The following ACTR3B variants were observed in gnomAD, a reference collection of about 807,000 sequenced individuals.
The protein encoded by ACTR3B is actin related protein 3B.
A neutral mutation model predicts 59.0 loss-of-function variants in ACTR3B; 8 were observed. The observed-to-expected ratio is 0.14, with a 90% CI of 0.08 to 0.24. ACTR3B has a LOEUF of 0.24. Among genes scored for constraint, ACTR3B ranks in the 10% least tolerant of loss-of-function variants. ACTR3B has a pLI of 1.00. For missense variants in ACTR3B, 245 were observed against 552.3 expected, an observed-to-expected ratio of 0.44 and a Z score of 5.58; for synonymous variants, 148 against 197.9, an observed-to-expected ratio of 0.75 and a Z score of 2.12.
At position 152,853,562 on chromosome 7, in the gene ACTR3B, C is replaced by T; in HGVS notation, c.1146C>T (p.Ser382=). The change falls in exon 11 of 12, where the codon TCC becomes TCT. Residue 382 remains serine, a synonymous_variant. Coordinates refer to ENST00000256001, the MANE Select transcript of ACTR3B (RefSeq NM_020445.6). The part of the protein sequence containing the change: ...MQRYAVWFGG[S]MLASTPEFFQ... ...GCTACGCCGTGTGGTTCGGAGGCTC[C>T]ATGCTGGCCTCGACTGTAAGTCCCT... The T allele has an allele frequency of 1.2e-6, 2 of 1,613,872 alleles. No homozygotes were observed. The highest frequency in any genetic ancestry group is 1.1e-5 in the South Asian group (1 of 90,980).
At chr7:152,828,730 G>C (rs1390106376) in intron 9 of ACTR3B, among the ~76,000 whole-genome samples, 1 of 152,060 alleles carries the variant, frequency 6.6e-6, no homozygotes, top group Non-Finnish European at 1.5e-5. Flanking sequence ...CTCTTGCCGG[G>C]TAAGACGCTC....
chr7:152,761,958 A>AAT (rs746241784), intron 1 of ACTR3B, among the ~76,000 whole-genome samples: 23 of 152,212 alleles, frequency 1.5e-4, no homozygotes, highest in Non-Finnish European at 1.6e-4. Flanking sequence ...CAACATCATA[A>AAT]GAGTCATGGT....
At chr7:152,832,439 C>G (rs1456174220) in intron 9 of ACTR3B, among the ~76,000 whole-genome samples, 1 of 152,180 alleles carries the variant, frequency 6.6e-6, no homozygotes, top group Non-Finnish European at 1.5e-5. Context: ...CGGCCTTAGC[C>G]TGAACCAGCA....
chr7:152,817,593 T>G (rs1317181721), intron 6 of ACTR3B, among the ~76,000 whole-genome samples: 1 of 151,972 alleles, frequency 6.6e-6, no homozygotes, highest in Non-Finnish European at 1.5e-5. Flanking sequence ...CTGAAGAGGG[T>G]ATTCAGAGGG....
chr7:152,780,033 A>G (rs1025242605), intron 1 of ACTR3B, among the ~76,000 whole-genome samples: 3 of 152,166 alleles, frequency 2.0e-5, no homozygotes, highest in African/African-American at 7.2e-5. Context: ...TAGGAGGGTA[A>G]GGATCTCATA....
At chr7:152,794,657 A>C (rs1382550295) in intron 2 of ACTR3B, among the ~76,000 whole-genome samples, 1 of 152,096 alleles carries the variant, frequency 6.6e-6, no homozygotes. Context: ...CTTGTACATC[A>C]GATGGTTCTG....
chr7:152,814,182 C>G (rs1248664499), intron 4 of ACTR3B: 4 of 204,002 alleles, frequency 2.0e-5, no homozygotes, highest in African/African-American at 1.1e-4. Flanking sequence ...GTCACCGGTT[C>G]GCCTTTGATG....
intron 1 of ACTR3B, among the ~76,000 whole-genome samples, chr7:152,776,274 T>A (rs2098136053): frequency 6.9e-6 from 1 of 144,474 alleles, no homozygotes; most frequent in African/African-American, 2.6e-5. Flanking sequence ...TGGGATAAAA[T>A]ATATATATAT....
At chr7:152,784,631 T>C (rs954847759) in intron 2 of ACTR3B, among the ~76,000 whole-genome samples, 4 of 152,128 alleles carry the variant, frequency 2.6e-5, no homozygotes, top group African/African-American at 7.2e-5. Flanking sequence ...ACTGGGGAAA[T>C]TAATGTTATC....
At chr7:152,795,708 C>A (rs2098213913) in intron 2 of ACTR3B, among the ~76,000 whole-genome samples, 1 of 152,212 alleles carries the variant, frequency 6.6e-6, no homozygotes, top group Admixed American at 6.5e-5. Context: ...ACCAGTAGCT[C>A]TACCATCCAT....
In ACTR3B at chr7:152,854,625, G is replaced by A. The variant is rs999794991; in HGVS notation, c.*72G>A. On this transcript the variant is annotated 3_prime_UTR_variant, in exon 12 of 12. Coordinates refer to ENST00000256001, the MANE Select transcript of ACTR3B (RefSeq NM_020445.6). The surrounding 1 kb of genome is among the most constrained non-coding windows in gnomAD (Gnocchi z 4.9). Reference sequence around the variant, plus strand: ...TGTCCTTCAGAACCCAGAGAAGGCCGCCGTTCTGTAAATAGCGACGTCGGT... The same window carrying A: ...TGTCCTTCAGAACCCAGAGAAGGCCACCGTTCTGTAAATAGCGACGTCGGT... The A allele has an allele frequency of 2.7e-5, 40 of 1,501,976 alleles. No individual in the cohort carries two copies. The highest frequency in any genetic ancestry group is 3.5e-5 in the Non-Finnish European group (38 of 1,082,606). 93.0% of individuals were successfully genotyped at this position (1,501,976 alleles called of 1,614,324 possible).
chr7:152,766,207 C>G (rs1004954477), intron 1 of ACTR3B, among the ~76,000 whole-genome samples: 13 of 152,112 alleles, frequency 8.5e-5, no homozygotes, highest in Admixed American at 2.6e-4. Flanking sequence ...TAGAGGAAAC[C>G]GGGGCAAGCT....
At chr7:152,842,354 AGAG>A (rs1175813614) in intron 9 of ACTR3B, among the ~76,000 whole-genome samples, 3 of 152,228 alleles carry the variant, frequency 2.0e-5, no homozygotes, top group African/African-American at 7.2e-5. Context: ...TGCTGGACAA[AGAG>A]AAGAGACTCG....
At chr7:152,823,035 G>A (rs760496849) in intron 7 of ACTR3B, among the ~76,000 whole-genome samples, 4,372 of 123,440 alleles carry the variant, frequency 0.035, no homozygotes, top group South Asian at 0.11. Context: ...AAGGCAAGAC[G>A]AGGTGCTTTC....
intron 2 of ACTR3B, among the ~76,000 whole-genome samples, chr7:152,792,856 T>C (rs1324121816): frequency 2.0e-5 from 3 of 152,154 alleles, no homozygotes; most frequent in African/African-American, 7.2e-5. Context: ...ACAAATTGTG[T>C]TAGTTTTATT....
At chr7:152,814,784 A>G in intron 5 of ACTR3B, 139 bp downstream of exon 5, 2 of 787,550 alleles carry the variant, frequency 2.5e-6, no homozygotes, top group African/African-American at 1.8e-5. Flanking sequence ...TCCCCATGCC[A>G]TTCAGGACTA....
At chr7:152,801,830 C>A in intron 4 of ACTR3B, 99 bp downstream of exon 4, 1 of 564,728 alleles carries the variant, frequency 1.8e-6, no homozygotes, top group Non-Finnish European at 3.0e-6. Context: ...TAAATTTCTT[C>A]TAAAGATATG....
At chr7:152,789,259 A>T in intron 2 of ACTR3B, among the ~76,000 whole-genome samples, 1 of 148,866 alleles carries the variant, frequency 6.7e-6, no homozygotes, top group Non-Finnish European at 1.5e-5. Flanking sequence ...ACGTGTAGTG[A>T]CGCTCACCTG....
intron 4 of ACTR3B, among the ~76,000 whole-genome samples, chr7:152,804,998 G>A (rs2098248094): frequency 6.6e-6 from 1 of 151,886 alleles, no homozygotes; most frequent in African/African-American, 2.4e-5. Context: ...GGCAGACATT[G>A]TATCACTCAT....
Sources: allele counts gnomAD v4.1 joint callset (sites outside exome capture counted in the v4.1 genomes callset), GRCh38; gene constraint gnomAD v4.1.1; non-coding constraint Gnocchi (gnomAD v3.1); transcripts MANE v1.5; gene names NCBI Gene and HGNC (gene_info 2026-07-23, HGNC 2026-07-21).